The following PPP2R2B variants were observed in gnomAD, a reference collection of about 807,000 sequenced individuals.
The protein encoded by PPP2R2B is protein phosphatase 2 regulatory subunit Bbeta, also known as serine/threonine-protein phosphatase 2A 55 kDa regulatory subunit B beta isoform.
A neutral mutation model predicts 46.0 loss-of-function variants in PPP2R2B; 5 were observed. The ratio of observed to expected loss-of-function variants is 0.11; its 90% CI spans 0.06 to 0.23. The LOEUF (loss-of-function observed/expected upper bound fraction) is 0.23. Among genes scored for constraint, PPP2R2B ranks in the 10% least tolerant of loss-of-function variants. The pLI is 1.00. For missense variants in PPP2R2B, 367 were observed against 575.0 expected, an observed-to-expected ratio of 0.64 and a Z score of 3.70; for synonymous variants, 215 against 206.7, an observed-to-expected ratio of 1.04 and a Z score of -0.34.
At chr5:147,013,330 A>G (rs1364813930) in intron 1 of PPP2R2B, among the ~76,000 whole-genome samples, 2 of 100,550 alleles carry the variant, frequency 2.0e-5, no homozygotes, top group East Asian at 4.4e-4. Flanking sequence ...TACAGATTCA[A>G]TGCCATCCCC....
chr5:146,673,585 A>G (rs1777513450), intron 5 of PPP2R2B, among the ~76,000 whole-genome samples: 1 of 151,960 alleles, frequency 6.6e-6, no homozygotes, highest in African/African-American at 2.4e-5. Context: ...AGAATTCTGC[A>G]TTTTTGGTGA....
intron 5 of PPP2R2B, among the ~76,000 whole-genome samples, chr5:146,653,892 C>T (rs1776152399): frequency 6.6e-6 from 1 of 152,106 alleles, no homozygotes; most frequent in African/African-American, 2.4e-5. Flanking sequence ...CAACATCAGT[C>T]CCAGGCCTAC....
rs181411148 is a variant in PPP2R2B at position 146,734,312 on chromosome 5, C to T, written c.71-33170G>A. ...GCTCAAGAATTCCTCCTGCCTTGGC[C>T]TCCCAATCTGCTGGGATTACAGGTA... On this transcript the variant is annotated intron_variant, in intron 2 of 9. Transcript: ENST00000394411. 2.4e-4 allele frequency among the ~76,000 whole-genome samples: 37 copies of T among 152,238 alleles called. No individual in the cohort carries two copies. In the East Asian group the frequency reaches 7.0e-3, roughly 29 times the overall value.
intron 2 of PPP2R2B, among the ~76,000 whole-genome samples, chr5:146,731,488 T>C (rs1307380484): frequency 6.6e-6 from 1 of 152,246 alleles, no homozygotes; most frequent in Non-Finnish European, 1.5e-5. Context: ...TGCATTTCTG[T>C]ATATTCTTCT....
intron 1 of PPP2R2B, among the ~76,000 whole-genome samples, chr5:146,951,167 T>C (rs1407533610): frequency 2.0e-5 from 3 of 151,908 alleles, no homozygotes; most frequent in African/African-American, 7.3e-5. Flanking sequence ...TACTCTGGAA[T>C]CTCTTTTTTG....
chr5:147,079,445 CATATATATAT>C (rs58393815), intron 2 of PPP2R2B, among the ~76,000 whole-genome samples: 18 of 132,296 alleles, frequency 1.4e-4, no homozygotes, highest in Admixed American at 2.3e-4. Flanking sequence ...TATATATATA[CATATATATAT>C]ATATATATAT....
chr5:146,807,750 C>A (rs1757262897), intron 2 of PPP2R2B, among the ~76,000 whole-genome samples: 1 of 132,688 alleles, frequency 7.5e-6, no homozygotes, highest in African/African-American at 2.7e-5. Context: ...TCTCCAACTC[C>A]TTGGTTAAAC....
intron 2 of PPP2R2B, chr5:146,856,411 G>A (rs779277746): frequency 3.6e-5 from 36 of 1,012,442 alleles, no homozygotes; most frequent in Non-Finnish European, 5.1e-5. Flanking sequence ...TGTGTCCCAC[G>A]GAACAAATTT....
Position 146,832,377 on chromosome 5 carries a change from A to AT in PPP2R2B, c.70+45624dup, listed in dbSNP as rs1443028400. On this transcript the variant is annotated intron_variant, in intron 2 of 9. Transcript: ENST00000394411. ...TACACAAGTAAGTGTGCCATTTTTA[A>AT]TCTTTTTTTTTTTTTTTTTTTTTTT... Among the ~76,000 whole-genome samples the AT allele has an allele frequency of 6.5e-3, 676 of 104,216 alleles. 20 individuals are homozygous for AT. Among genetic ancestry groups the AT allele is most frequent in the African/African-American group, 0.022 (610 of 27,442 alleles). The allele number at this position is 104,216 out of a possible 152,430, so 68.4% of individuals were successfully genotyped here. A position where few individuals can be genotyped will look rare whatever the true frequency, so the allele number is the denominator to read the frequency against.
intron 2 of PPP2R2B, among the ~76,000 whole-genome samples, chr5:146,842,441 GA>G (rs144838740): frequency 4.4e-4 from 59 of 132,684 alleles, no homozygotes; most frequent in African/African-American, 7.5e-4. Flanking sequence ...CAAGAAAAAG[GA>G]AAAAAAAAAG....
chr5:146,706,352 C>T, intron 2 of PPP2R2B: 1 of 610,244 alleles, frequency 1.6e-6, no homozygotes, highest in Non-Finnish European at 3.0e-6. Flanking sequence ...GTAGCTGAGG[C>T]CAGAGCCTGT....
chr5:146,963,341 A>G (rs1309082432), intron 1 of PPP2R2B, among the ~76,000 whole-genome samples: 1 of 152,158 alleles, frequency 6.6e-6, no homozygotes, highest in African/African-American at 2.4e-5. Context: ...TTATTCTCAG[A>G]GTTCCTCTTC....
intron 1 of PPP2R2B, among the ~76,000 whole-genome samples, chr5:147,052,352 C>T (rs936076584): frequency 6.6e-6 from 1 of 152,156 alleles, no homozygotes; most frequent in Non-Finnish European, 1.5e-5. Context: ...CTATAATGTG[C>T]CTGGTATTGT....
chr5:147,048,133 T>C (rs1487027009), intron 1 of PPP2R2B, among the ~76,000 whole-genome samples: 1 of 152,062 alleles, frequency 6.6e-6, no homozygotes, highest in African/African-American at 2.4e-5. Flanking sequence ...ACTGTTAGAG[T>C]TGTGTGCGTA....
At chr5:146,626,472 T>G (rs764889343) in intron 7 of PPP2R2B, among the ~76,000 whole-genome samples, 28 of 152,320 alleles carry the variant, frequency 1.8e-4, no homozygotes, top group Admixed American at 6.5e-4. Context: ...TAATTTTTGG[T>G]TTTTGCAGGC....
At chr5:146,812,033 G>T (rs1055193576) in intron 2 of PPP2R2B, among the ~76,000 whole-genome samples, 3 of 152,094 alleles carry the variant, frequency 2.0e-5, no homozygotes, top group African/African-American at 7.2e-5. Context: ...CAGGAGCCTG[G>T]ATTAGTGGTC....
chr5:146,956,637 A>G (rs1174369199), intron 1 of PPP2R2B, among the ~76,000 whole-genome samples: 1 of 152,176 alleles, frequency 6.6e-6, no homozygotes, highest in East Asian at 1.9e-4. Flanking sequence ...CTCTTTCCAG[A>G]AGACAATATG....
In PPP2R2B at chr5:147,006,608, T is replaced by C. The variant is rs541759224; in HGVS notation, c.79+49057A>G. ...CTATTTCATTATCCTACTACCACAC[T>C]CTCAGAGGATTTCTCAGACAGTTTG... On this transcript the variant is annotated intron_variant, in intron 1 of 8. Transcript: ENST00000336640. Among the ~76,000 whole-genome samples, 7 of 152,156 alleles carry C rather than the reference T, an allele frequency of 4.6e-5. No homozygotes were observed. In the South Asian group the frequency reaches 1.5e-3, roughly 32 times the overall value.
At chr5:146,725,657 GCA>G (rs1751821034) in intron 2 of PPP2R2B, among the ~76,000 whole-genome samples, 6 of 152,082 alleles carry the variant, frequency 3.9e-5, no homozygotes, top group Admixed American at 3.9e-4. Context: ...CCACAATATG[GCA>G]CTTACTTTAT....
Sources: gnomAD v4.1 joint callset for allele counts (sites outside exome capture counted in the v4.1 genomes callset) on GRCh38, gnomAD v4.1.1 for gene constraint, MANE v1.5 for transcripts, NCBI Gene and HGNC (gene_info 2026-07-23, HGNC 2026-07-21) for gene names.